The following NCOR1 variants were observed in gnomAD, a reference collection of about 807,000 sequenced individuals.
NCOR1 encodes nuclear receptor corepressor 1.
Under a neutral mutation model 288.1 loss-of-function variants are expected in NCOR1, and 63 were observed. That is an observed-to-expected ratio of 0.22 (90% confidence interval 0.18 to 0.27). The LOEUF is 0.27. Ranked by LOEUF, NCOR1 falls within the 10% of genes least tolerant of loss-of-function variation. The probability of loss-of-function intolerance (pLI) is 1.00; values close to 1 mark genes in which losing one functional copy is unlikely to be tolerated. For missense variants in NCOR1, 2,397 were observed against 3,019.2 expected (o/e 0.79, Z 4.83); for synonymous variants, 1,007 against 1,065.9 (o/e 0.94, Z 1.08).
intron 25 of NCOR1, 63 bp downstream of exon 25, chr17:16,080,345 A>G (rs1488406110): frequency 1.5e-6 from 2 of 1,295,740 alleles, no homozygotes; most frequent in Non-Finnish European, 2.1e-6. Flanking sequence ...TATATTAATA[A>G]CTTACTTTAA....
intron 14 of NCOR1, among the ~76,000 whole-genome samples, chr17:16,130,682 TTTA>T (rs2075455923): frequency 6.6e-6 from 1 of 152,146 alleles, no homozygotes; most frequent in African/African-American, 2.4e-5. Context: ...TCTTTTTATT[TTTA>T]TTTTTATTTT....
intron 23 of NCOR1, among the ~76,000 whole-genome samples, chr17:16,083,822 T>G (rs2063780591): frequency 6.6e-6 from 1 of 152,120 alleles, no homozygotes; most frequent in African/African-American, 2.4e-5. Context: ...GCTACATTTC[T>G]ACAGTTAAGT....
rs369446328 is a variant in NCOR1, at chr17:16,068,012, G to A, written c.4623C>T (p.Val1541=). 11 of 1,614,070 alleles carry A rather than the reference G, an allele frequency of 6.8e-6. No homozygotes were observed. Among genetic ancestry groups the A allele is most frequent in the South Asian group, 4.4e-5 (4 of 91,090 alleles). ...AKSPVPGVDP[V]VSHSPFDPHH... ...GGGGATCAAACGGACTGTGGCTCAC[G>A]ACAGGGTCCACCCCAGGCACTGGAG... Residue 1541 remains valine, a synonymous_variant, in exon 32 of 46, where the codon GTC becomes GTT. Transcript: ENST00000268712.
rs1263318882 is a variant in NCOR1, at chr17:16,075,654, T to G, written c.3550A>C (p.Lys1184Gln). Reference sequence around the variant, plus strand: ...ATGGGCATTCTCGAAATGGACCCCTTCACCAAAGCCTCTGTTGGTATGCCA... The same window carrying G: ...ATGGGCATTCTCGAAATGGACCCCTGCACCAAAGCCTCTGTTGGTATGCCA... ...QTGIPTEALV[K>Q]GSISRMPIED... The change falls in exon 27 of 46, where the codon AAG (lysine) becomes CAG (glutamine). Residue 1184 changes from lysine (K) to glutamine (Q), a missense_variant. Transcript: ENST00000268712. 6.2e-7 allele frequency: 1 copy of G among 1,614,080 alleles called. No homozygotes were observed. The highest frequency in any genetic ancestry group is 8.5e-7 in the Non-Finnish European group (1 of 1,180,038).
At chr17:16,189,882 T>C (rs1303938369) in intron 2 of NCOR1, among the ~76,000 whole-genome samples, 4 of 152,068 alleles carry the variant, frequency 2.6e-5, no homozygotes, top group African/African-American at 9.7e-5. Flanking sequence ...AAACAGCAAA[T>C]AATAGCATAT....
chr17:16,160,034 G>C (rs1280251550), intron 5 of NCOR1, among the ~76,000 whole-genome samples: 1 of 152,010 alleles, frequency 6.6e-6, no homozygotes, highest in Non-Finnish European at 1.5e-5. Flanking sequence ...GATTCACCAT[G>C]TTGGTCAGGC....
intron 10 of NCOR1, among the ~76,000 whole-genome samples, chr17:16,144,435 A>AAC (rs1265671304): frequency 6.6e-6 from 1 of 152,224 alleles, no homozygotes. Flanking sequence ...TTTTCTTTTC[A>AAC]ACATAAAAGT....
At chr17:16,108,220 T>A in intron 19 of NCOR1, 1 of 292,656 alleles carries the variant, frequency 3.4e-6, no homozygotes, top group Non-Finnish European at 6.9e-6. Context: ...TTAATCAGAG[T>A]GTAAACTGAA....
chr17:16,151,846 C>T (rs2078913356), intron 8 of NCOR1, 100 bp downstream of exon 8: 1 of 1,010,176 alleles, frequency 9.9e-7, no homozygotes, highest in African/African-American at 1.6e-5. Flanking sequence ...CTAAAACATA[C>T]CTACAATATA....
At chr17:16,097,061 A>C (rs2066760019) in intron 21 of NCOR1, among the ~76,000 whole-genome samples, 1 of 152,250 alleles carries the variant, frequency 6.6e-6, no homozygotes, top group Admixed American at 6.5e-5. Context: ...ATATGACATA[A>C]TGTGGCACAA....
intron 19 of NCOR1, among the ~76,000 whole-genome samples, chr17:16,106,400 T>C (rs2068631272): frequency 1.3e-5 from 2 of 151,592 alleles, no homozygotes; most frequent in South Asian, 4.2e-4. Flanking sequence ...CACCAAGCAG[T>C]AGCCAAACAT....
At chr17:16,138,434 A>G (rs541908085) in intron 12 of NCOR1, among the ~76,000 whole-genome samples, 2 of 152,226 alleles carry the variant, frequency 1.3e-5, no homozygotes, top group African/African-American at 4.8e-5. Flanking sequence ...AAAATACAAA[A>G]ATTAGCTGGG....
At chr17:16,202,605 A>G (rs1307125945) in intron 1 of NCOR1, among the ~76,000 whole-genome samples, 6 of 152,214 alleles carry the variant, frequency 3.9e-5, no homozygotes, top group Non-Finnish European at 8.8e-5. Context: ...CTAGATATAT[A>G]CTAGCCAGTG....
chr17:16,181,484 G>A (rs534375255), intron 3 of NCOR1, among the ~76,000 whole-genome samples: 1 of 151,600 alleles, frequency 6.6e-6, no homozygotes, highest in East Asian at 1.9e-4. Context: ...GAGGTCAAAG[G>A]ATACAAAATA....
chr17:16,195,017 T>C (rs1568610042), intron 1 of NCOR1, among the ~76,000 whole-genome samples: 1 of 151,878 alleles, frequency 6.6e-6, no homozygotes, highest in Admixed American at 6.6e-5. Flanking sequence ...AATTCAAGAG[T>C]AGTTTTAAGG....
chr17:16,039,058 C>T (rs538127512), intron 44 of NCOR1, among the ~76,000 whole-genome samples: 4 of 152,300 alleles, frequency 2.6e-5, no homozygotes, highest in Admixed American at 1.3e-4. Flanking sequence ...CGTGAACCAC[C>T]GCACCCGGCT....
chr17:16,126,460 C>A (rs978077559), intron 14 of NCOR1, among the ~76,000 whole-genome samples: 2 of 152,086 alleles, frequency 1.3e-5, no homozygotes, highest in Non-Finnish European at 2.9e-5. Context: ...TAAGATTCTA[C>A]TCGGAAATCT....
intron 35 of NCOR1, among the ~76,000 whole-genome samples, chr17:16,063,033 C>T (rs2060706026): frequency 6.6e-6 from 1 of 152,184 alleles, no homozygotes; most frequent in Non-Finnish European, 1.5e-5. Context: ...AACCTTCTAA[C>T]GTGCTCACTG....
intron 42 of NCOR1, chr17:16,044,749 G>T (rs984038445): frequency 2.5e-6 from 2 of 808,704 alleles, no homozygotes; most frequent in Non-Finnish European, 4.4e-6. Context: ...AACCTTTTTG[G>T]TCCAGCTTGT....
Sources: allele counts gnomAD v4.1 joint callset (sites outside exome capture counted in the v4.1 genomes callset), GRCh38; gene constraint gnomAD v4.1.1; transcripts MANE v1.5; gene names NCBI Gene and HGNC (gene_info 2026-07-23, HGNC 2026-07-21).